PARD3B: variants seen among roughly 807,000 people sequenced by gnomAD.
The protein encoded by PARD3B is partitioning defective 3 homolog B.
In PARD3B, 103 loss-of-function variants were observed where a neutral mutation model predicts 130.2. The ratio of observed to expected loss-of-function variants is 0.79; its 90% CI spans 0.67 to 0.93. The LOEUF (loss-of-function observed/expected upper bound fraction) is 0.93, where lower values mean the gene tolerates loss of function less well. PARD3B is among the 40% of genes least tolerant of loss of function. The pLI is 0.00. For synonymous variants in PARD3B, 583 were observed against 553.2 expected (o/e 1.05, Z -0.76); for missense variants, 1,609 against 1,499.2 (o/e 1.07, Z -1.21).
chr2:205,371,705 G>C (rs1283233331), intron 18 of PARD3B, among the ~76,000 whole-genome samples: 2 of 151,996 alleles, frequency 1.3e-5, no homozygotes, highest in Non-Finnish European at 2.9e-5. Context: ...GGGAAGAGAG[G>C]GTTTTTATTA....
intron 21 of PARD3B, among the ~76,000 whole-genome samples, chr2:205,514,114 A>G (rs541917208): frequency 6.6e-6 from 1 of 152,280 alleles, no homozygotes; most frequent in South Asian, 2.1e-4. Flanking sequence ...GCATTTCTGC[A>G]TCACACTGTC....
intron 19 of PARD3B, among the ~76,000 whole-genome samples, chr2:205,435,160 A>C (rs1172403583): frequency 6.6e-6 from 1 of 152,102 alleles, no homozygotes; most frequent in African/African-American, 2.4e-5. Flanking sequence ...TCTAGATGCA[A>C]CCACTTAGGA....
intron 18 of PARD3B, among the ~76,000 whole-genome samples, chr2:205,390,345 G>T (rs972789544): frequency 2.0e-5 from 3 of 151,808 alleles, no homozygotes; most frequent in Non-Finnish European, 4.4e-5. Context: ...TGTGCAGCAG[G>T]TTTGGAATAC....
Position 205,116,047 on chromosome 2 carries a change from G to A in PARD3B, c.680+2470G>A, listed in dbSNP as rs538252477. Among the ~76,000 whole-genome samples the A allele has an allele frequency of 6.6e-5, 10 of 151,772 alleles. No homozygotes were observed. The South Asian group carries it at 1.9e-3, about 28-fold the overall frequency. On this transcript the variant is annotated intron_variant, in intron 6 of 22. Coordinates refer to ENST00000406610, the MANE Select transcript of PARD3B (RefSeq NM_001302769.2). This position sits in a 1 kb window ranked among gnomAD's most constrained non-coding sequence, Gnocchi z 4.5. ...TATAGTGGCTGCTCTGCTAGATAAA[G>A]CCTCAATGAATTCATTAGATACCAT...
At chr2:204,857,093 T>A (rs1021179157) in intron 2 of PARD3B, among the ~76,000 whole-genome samples, 1 of 152,180 alleles carries the variant, frequency 6.6e-6, no homozygotes. Flanking sequence ...TCACTTATTA[T>A]CAGTTATTGC....
intron 4 of PARD3B, among the ~76,000 whole-genome samples, chr2:205,089,411 T>C (rs1701961987): frequency 6.6e-6 from 1 of 152,122 alleles, no homozygotes; most frequent in South Asian, 2.1e-4. Context: ...CCTCAGGTGA[T>C]CCACCCACCT....
intron 21 of PARD3B, among the ~76,000 whole-genome samples, chr2:205,503,717 A>T (rs1250894256): frequency 6.6e-6 from 1 of 151,324 alleles, no homozygotes; most frequent in Non-Finnish European, 1.5e-5. Context: ...GAAGAAAGTC[A>T]TTGGTAGCTT....
chr2:205,506,081 C>A (rs1341803785), intron 21 of PARD3B, among the ~76,000 whole-genome samples: 2 of 151,968 alleles, frequency 1.3e-5, no homozygotes, highest in Non-Finnish European at 2.9e-5. Flanking sequence ...ACGCCTGTAA[C>A]CCCAGCACTT....
chr2:205,288,095 T>C lies in PARD3B; in HGVS notation c.2186-12435T>C, dbSNP rs1475184492. 6.6e-6 allele frequency among the ~76,000 whole-genome samples: 1 copy of C among 152,120 alleles called. No homozygotes were observed. Among genetic ancestry groups the C allele is most frequent in the Non-Finnish European group, 1.5e-5 (1 of 68,034 alleles). ...ATTAATCATTATATATTACCAAATA[T>C]AGTAAAGCGTGCTTACGAGGAGATA... On this transcript the variant is annotated intron_variant, in intron 16 of 22. Coordinates refer to ENST00000406610, the MANE Select transcript of PARD3B (RefSeq NM_001302769.2). The surrounding 1 kb of genome is among the most constrained non-coding windows in gnomAD (Gnocchi z 4.0).
chr2:204,749,638 T>C (rs1351289724), intron 2 of PARD3B, among the ~76,000 whole-genome samples: 19 of 152,196 alleles, frequency 1.2e-4, no homozygotes. Context: ...ATCTGAATTA[T>C]ATTTCTCCTT....
intron 15 of PARD3B, among the ~76,000 whole-genome samples, chr2:205,224,215 A>C (rs2038398659): frequency 6.7e-6 from 1 of 148,374 alleles, no homozygotes; most frequent in Admixed American, 6.7e-5. Flanking sequence ...CTAAAAATAC[A>C]AAAAAATTAG....
intron 19 of PARD3B, among the ~76,000 whole-genome samples, chr2:205,416,102 G>T (rs921174574): frequency 6.6e-6 from 1 of 152,000 alleles, no homozygotes; most frequent in Non-Finnish European, 1.5e-5. Context: ...GGAGTAGGGG[G>T]CTTTATTTTA....
At chr2:205,026,766 A>G (rs1697063221) in intron 3 of PARD3B, among the ~76,000 whole-genome samples, 1 of 152,146 alleles carries the variant, frequency 6.6e-6, no homozygotes, top group South Asian at 2.1e-4. Flanking sequence ...CATATGATTG[A>G]GATGAGATAC....
chr2:204,633,417 C>T (rs950511435), intron 1 of PARD3B, among the ~76,000 whole-genome samples: 1 of 152,112 alleles, frequency 6.6e-6, no homozygotes. Flanking sequence ...GATGAGGATT[C>T]TTCTAGAAAT....
intron 22 of PARD3B, among the ~76,000 whole-genome samples, chr2:205,567,212 TAGAG>T (rs1316535232): frequency 1.3e-5 from 2 of 148,518 alleles, no homozygotes; most frequent in Non-Finnish European, 3.0e-5. Flanking sequence ...AGAGGGAGGA[TAGAG>T]AGGAAGGGAA....
chr2:205,548,972 C>A (rs755722854), intron 21 of PARD3B, among the ~76,000 whole-genome samples: 1 of 152,026 alleles, frequency 6.6e-6, no homozygotes, highest in Non-Finnish European at 1.5e-5. Context: ...GGATCCCTCA[C>A]CAAAGAAGCA....
intron 4 of PARD3B, among the ~76,000 whole-genome samples, chr2:205,063,256 C>A (rs563801428): frequency 6.6e-6 from 1 of 151,756 alleles, no homozygotes; most frequent in African/African-American, 2.4e-5. Flanking sequence ...GATCATTATA[C>A]GTTGTATGAA....
At chr2:204,925,486 A>C (rs1687536910) in intron 2 of PARD3B, among the ~76,000 whole-genome samples, 1 of 152,092 alleles carries the variant, frequency 6.6e-6, no homozygotes, top group Non-Finnish European at 1.5e-5. Context: ...TACCCTAAAC[A>C]AGAGGAAATA....
At chr2:205,411,093 A>T (rs888807677) in intron 19 of PARD3B, among the ~76,000 whole-genome samples, 1 of 152,010 alleles carries the variant, frequency 6.6e-6, no homozygotes, top group Non-Finnish European at 1.5e-5. Flanking sequence ...TTACCATACT[A>T]TGGGGGAAGT....
Sources: gnomAD v4.1 joint callset for allele counts (sites outside exome capture counted in the v4.1 genomes callset) on GRCh38, gnomAD v4.1.1 for gene constraint, Gnocchi (gnomAD v3.1) non-coding constraint, MANE v1.5 for transcripts, NCBI Gene and HGNC (gene_info 2026-07-23, HGNC 2026-07-21) for gene names.